The following TIMM23 variants were observed in gnomAD, a reference collection of about 807,000 sequenced individuals.
The protein encoded by TIMM23 is translocase of inner mitochondrial membrane 23.
A neutral mutation model predicts 30.7 loss-of-function variants in TIMM23; 19 were observed. The ratio of observed to expected loss-of-function variants is 0.62; its 90% CI spans 0.43 to 0.91. The LOEUF (loss-of-function observed/expected upper bound fraction) is 0.91, where lower values mean the gene tolerates loss of function less well. Ranked by LOEUF, TIMM23 falls within the 40% of genes least tolerant of loss-of-function variation. The pLI is 0.00. For missense variants in TIMM23, 202 were observed against 269.2 expected (o/e 0.75, Z 1.75); for synonymous variants, 78 against 98.5 (o/e 0.79, Z 1.23).
intron 6 of TIMM23, among the ~76,000 whole-genome samples, chr10:46,001,680 T>A (rs571449370): frequency 3.9e-5 from 6 of 152,134 alleles, no homozygotes; most frequent in African/African-American, 1.4e-4. Context: ...ACACATGACT[T>A]GGAACAAATA....
In TIMM23 at chr10:46,003,207, T is replaced by C; in HGVS notation, c.519T>C (p.Gly173=). ...CCTTTTGTCTCTGTTTCCCAGGTGG[T>C]CTTCGAGGGATAGCACGAGGTGGTC... ...MTGMLYKCTG[G]LRGIARGGLT... is the part of the protein sequence containing the mutation. Residue 173 remains glycine (G), a synonymous_variant, in exon 7 of 7, where the codon GGT becomes GGC. Coordinates refer to ENST00000580018, the MANE Select transcript of TIMM23 (RefSeq NM_006327.4). 1 of 1,613,514 alleles carries C rather than the reference T, an allele frequency of 6.2e-7. No homozygotes were observed. Among genetic ancestry groups the C allele is most frequent in the Non-Finnish European group, 8.5e-7 (1 of 1,179,466 alleles).
chr10:46,003,352 A>G lies in TIMM23; in HGVS notation c.*34A>G, dbSNP rs781937519. The G allele has an allele frequency of 7.8e-6, 11 of 1,408,934 alleles. No individual in the cohort carries two copies. The highest frequency in any genetic ancestry group is 1.0e-5 in the Non-Finnish European group (10 of 994,744). The allele number at this position is 1,408,934 out of a possible 1,614,324, so 87.3% of individuals were successfully genotyped here. A position where few individuals can be genotyped will look rare whatever the true frequency, so the allele number is the denominator to read the frequency against. ...CCAACTCATGAATGGAGGACACTTC[A>G]GTAGTCATCTAGATCCTTTTATAAG... On this transcript the variant is annotated 3_prime_UTR_variant, in exon 7 of 7. Transcript: ENST00000580018.
At chr10:45,994,552 A>C in intron 6 of TIMM23, among the ~76,000 whole-genome samples, 1 of 109,910 alleles carries the variant, frequency 9.1e-6, no homozygotes, top group African/African-American at 3.6e-5. Flanking sequence ...TGATGCTCCC[A>C]TCTCAGCCTC....
Position 45,988,838 on chromosome 10 carries a change from A to T in TIMM23, c.505A>T (p.Lys169Ter). The part of the protein sequence containing the change: ...AAGTMTGMLY[K>*]CTGGLRGIAR... The stretch of plus-strand genomic sequence containing the variant: ...TGGAACCATGACAGGCATGTTGTAT[A>T]AATGTACAGGTGAGTACTGTTGAAT... The change falls in exon 6 of 7, where the codon AAA (lysine) becomes TAA (stop). Residue 169 changes from lysine to a stop codon, truncating the protein, a stop_gained. Coordinates refer to ENST00000580018, the MANE Select transcript of TIMM23 (RefSeq NM_006327.4). LOFTEE classifies it high-confidence loss of function. 6.2e-7 allele frequency: 1 copy of T among 1,613,050 alleles called. No individual in the cohort carries two copies. The highest frequency in any genetic ancestry group is 8.5e-7 in the Non-Finnish European group (1 of 1,179,030).
At chr10:45,986,776 T>A (rs1472950557) in intron 5 of TIMM23, among the ~76,000 whole-genome samples, 1 of 150,626 alleles carries the variant, frequency 6.6e-6, no homozygotes, top group Non-Finnish European at 1.5e-5. Context: ...ACTTTTTTTT[T>A]AATCTATTTT....
intron 2 of TIMM23, among the ~76,000 whole-genome samples, chr10:45,977,846 A>T (rs1320170973): frequency 6.6e-6 from 1 of 152,120 alleles, no homozygotes; most frequent in Non-Finnish European, 1.5e-5. Context: ...AGCCTGGCCA[A>T]CATGGTGAAA....
intron 6 of TIMM23, among the ~76,000 whole-genome samples, chr10:45,993,244 C>CTTTTTTTTTTTTTTTTTTTTTT (rs782013689): frequency 1.7e-4 from 12 of 72,036 alleles, no homozygotes; most frequent in African/African-American, 6.8e-4. Flanking sequence ...TCTACCATCA[C>CTTTTTTTTTTTTTTTTTTTTTT]TTTTTTTTTT....
intron 6 of TIMM23, among the ~76,000 whole-genome samples, chr10:46,000,230 A>AT (rs1838485625): frequency 6.6e-6 from 1 of 152,254 alleles, no homozygotes; most frequent in Non-Finnish European, 1.5e-5. Context: ...TGGGGAAGTG[A>AT]TAAGTGTCCA....
chr10:46,002,428 C>T (rs1838573020), intron 6 of TIMM23: 3 of 822,420 alleles, frequency 3.6e-6, no homozygotes, highest in South Asian at 1.1e-4. Flanking sequence ...CTCAGCCTCC[C>T]AAAGTGCTGG....
chr10:45,987,484 T>C (rs1838023885), intron 5 of TIMM23, among the ~76,000 whole-genome samples: 1 of 152,184 alleles, frequency 6.6e-6, no homozygotes, highest in African/African-American at 2.4e-5. Context: ...CAGGTTATTT[T>C]ACCTGTGCTT....
At chr10:45,987,811 G>A (rs1213198452) in intron 5 of TIMM23, among the ~76,000 whole-genome samples, 1 of 151,638 alleles carries the variant, frequency 6.6e-6, no homozygotes, top group Non-Finnish European at 1.5e-5. Context: ...AGAGAAGGGG[G>A]TATCCCTATG....
At chr10:45,986,339 C>T (rs1200443023) in intron 5 of TIMM23, among the ~76,000 whole-genome samples, 12 of 152,130 alleles carry the variant, frequency 7.9e-5, no homozygotes, top group East Asian at 1.9e-4. Flanking sequence ...GCTTGTATAC[C>T]TAGAGTAGTC....
chr10:45,996,628 T>C (rs1838341254), intron 6 of TIMM23, among the ~76,000 whole-genome samples: 1 of 152,202 alleles, frequency 6.6e-6, no homozygotes, highest in Admixed American at 6.5e-5. Flanking sequence ...TCTTAAGGCT[T>C]TGATTATTTT....
chr10:45,978,209 C>T (rs1554913464), intron 2 of TIMM23, among the ~76,000 whole-genome samples: 6 of 151,838 alleles, frequency 4.0e-5, no homozygotes, highest in Non-Finnish European at 8.8e-5. Context: ...AAAAATTAGC[C>T]GGGTGTGGTG....
intron 2 of TIMM23, among the ~76,000 whole-genome samples, chr10:45,978,031 CA>C (rs782245516): frequency 2.7e-5 from 4 of 147,428 alleles, no homozygotes; most frequent in East Asian, 2.0e-4. Context: ...GACTCGGTCT[CA>C]AAAAAAAAAT....
intron 6 of TIMM23, among the ~76,000 whole-genome samples, chr10:45,997,873 G>A (rs1395508421): frequency 6.6e-6 from 1 of 152,180 alleles, no homozygotes; most frequent in East Asian, 1.9e-4. Flanking sequence ...TAATGCCTCT[G>A]AAATGTACAC....
Position 45,972,737 on chromosome 10 carries a change from A to G in TIMM23, c.106+7A>G, listed in dbSNP as rs374396827. 2.3e-5 allele frequency: 37 copies of G among 1,613,240 alleles called. No homozygotes were observed. In the African/African-American group the frequency reaches 3.5e-4, roughly 15 times the overall value. On this transcript the variant is annotated splice_region_variant and intron_variant, in intron 1 of 6. Transcript: ENST00000580018. The stretch of plus-strand genomic sequence containing the variant: ...GATTTGGCTGGCGTCCCGCGTAAGT[A>G]TGGGGCCTAGCTTGCGATTATTTCT...
At chr10:45,988,705 T>C (rs1838070961) in intron 5 of TIMM23, 32 bp from the exon 6 acceptor site, 1 of 1,604,122 alleles carries the variant, frequency 6.2e-7, no homozygotes, top group Non-Finnish European at 8.5e-7. Context: ...TTATCACTGT[T>C]TTGTCACTGA....
chr10:45,975,339 C>T, intron 1 of TIMM23, 115 bp from the exon 2 acceptor site: 2 of 1,419,448 alleles, frequency 1.4e-6, no homozygotes, highest in Non-Finnish European at 2.0e-6. Context: ...AAATTTTCCG[C>T]CTTCAGTGAG....
Sources: allele counts gnomAD v4.1 joint callset (sites outside exome capture counted in the v4.1 genomes callset), GRCh38; gene constraint gnomAD v4.1.1; transcripts MANE v1.5; gene names NCBI Gene and HGNC (gene_info 2026-07-23, HGNC 2026-07-21).